Variants in NKAIN3 observed in about 807,000 individuals in gnomAD.
The protein encoded by NKAIN3 is sodium/potassium transporting ATPase interacting 3.
A neutral mutation model predicts 30.2 loss-of-function variants in NKAIN3; 25 were observed. The ratio of observed to expected loss-of-function variants is 0.83; its 90% CI spans 0.60 to 1.16. The LOEUF (loss-of-function observed/expected upper bound fraction) is 1.16, where lower values mean the gene tolerates loss of function less well. Ranked by LOEUF, NKAIN3 falls within the 50% of genes most tolerant of loss-of-function variation. The pLI is 0.00. For missense variants in NKAIN3, 225 were observed against 254.1 expected, an observed-to-expected ratio of 0.89 and a Z score of 0.78; for synonymous variants, 91 against 89.6, an observed-to-expected ratio of 1.02 and a Z score of -0.09.
intron 4 of NKAIN3, chr8:62,864,275 A>G (rs1820352821): frequency 8.7e-7 from 1 of 1,150,130 alleles, no homozygotes; most frequent in Non-Finnish European, 1.3e-6. Flanking sequence ...GCAAAGGACA[A>G]TGCTGAAGCT....
chr8:62,473,989 T>A (rs1279480281), intron 1 of NKAIN3: 5 of 152,196 alleles, frequency 3.3e-5, no homozygotes, highest in African/African-American at 1.2e-4. Context: ...CTGTTTTGTA[T>A]CGAGCAACCT....
intron 3 of NKAIN3, among the ~76,000 whole-genome samples, chr8:62,679,711 C>T (rs1342146923): frequency 6.6e-6 from 1 of 152,084 alleles, no homozygotes; most frequent in African/African-American, 2.4e-5. Context: ...CACTTTTAAA[C>T]AACCAGATCT....
intron 1 of NKAIN3, among the ~76,000 whole-genome samples, chr8:62,331,109 A>G (rs576835336): frequency 1.3e-5 from 2 of 148,352 alleles, no homozygotes; most frequent in African/African-American, 5.0e-5. Context: ...ATATATATGT[A>G]TATATGTATG....
chr8:62,386,519 A>T (rs1817429242), intron 1 of NKAIN3, among the ~76,000 whole-genome samples: 1 of 152,228 alleles, frequency 6.6e-6, no homozygotes, highest in South Asian at 2.1e-4. Context: ...ATTGCAAGTT[A>T]ATTATTTGAT....
At chr8:62,595,778 G>A (rs1346397709) in intron 3 of NKAIN3, among the ~76,000 whole-genome samples, 2 of 151,980 alleles carry the variant, frequency 1.3e-5, no homozygotes, top group African/African-American at 4.8e-5. Context: ...GGGTTGTGCA[G>A]TTGAGATTTC....
chr8:62,597,674 C>T (rs1476206321), intron 3 of NKAIN3, among the ~76,000 whole-genome samples: 2 of 151,886 alleles, frequency 1.3e-5, no homozygotes, highest in Admixed American at 6.6e-5. Flanking sequence ...TGATATAATA[C>T]ATTTCTATAA....
chr8:62,786,056 C>T (rs1817506859), intron 4 of NKAIN3, among the ~76,000 whole-genome samples: 1 of 151,826 alleles, frequency 6.6e-6, no homozygotes. Flanking sequence ...ACTTCCATAC[C>T]ACCACCACCA....
intron 4 of NKAIN3, among the ~76,000 whole-genome samples, chr8:62,787,858 C>G (rs1300124727): frequency 6.6e-6 from 1 of 151,982 alleles, no homozygotes; most frequent in South Asian, 2.1e-4. Context: ...AGGATGGGAA[C>G]TCATCATTTT....
At chr8:62,469,022 G>A (rs554649932) in intron 1 of NKAIN3, among the ~76,000 whole-genome samples, 12 of 152,208 alleles carry the variant, frequency 7.9e-5, no homozygotes, top group African/African-American at 2.4e-4. Flanking sequence ...TGAATGCCTA[G>A]GACTTCTCCA....
chr8:62,783,174 A>T (rs1259134244), intron 4 of NKAIN3, among the ~76,000 whole-genome samples: 1 of 152,116 alleles, frequency 6.6e-6, no homozygotes, highest in Non-Finnish European at 1.5e-5. Context: ...TCCCCCCAAA[A>T]TTCATACATT....
chr8:62,931,825 T>C (rs548717840), intron 5 of NKAIN3, among the ~76,000 whole-genome samples: 6 of 152,194 alleles, frequency 3.9e-5, no homozygotes, highest in Non-Finnish European at 8.8e-5. Context: ...TTTAAAACAT[T>C]TTAACATCTT....
Position 62,786,780 on chromosome 8 carries a change from A to G in NKAIN3, c.471+39651A>G, listed in dbSNP as rs148608262. On this transcript the variant is annotated intron_variant, in intron 4 of 6. Coordinates refer to ENST00000623646, the MANE Select transcript of NKAIN3 (RefSeq NM_001304533.3). Reference sequence around the variant, plus strand: ...AAAGGTCTGTAACATGCATGGTGTCAGTAAAGTAGGAAACCCTGATGATTT... The same window carrying G: ...AAAGGTCTGTAACATGCATGGTGTCGGTAAAGTAGGAAACCCTGATGATTT... Among the ~76,000 whole-genome samples, 4 of 152,332 alleles carry G rather than the reference A, an allele frequency of 2.6e-5. No individual in the cohort carries two copies. In the East Asian group the frequency reaches 7.7e-4, roughly 29 times the overall value.
intron 1 of NKAIN3, among the ~76,000 whole-genome samples, chr8:62,314,225 A>T (rs185923747): frequency 1.3e-5 from 2 of 152,280 alleles, no homozygotes; most frequent in Admixed American, 1.3e-4. Flanking sequence ...TAAATTGTTA[A>T]GTTGCTAGGC....
intron 1 of NKAIN3, among the ~76,000 whole-genome samples, chr8:62,451,576 T>G (rs1195832262): frequency 6.6e-6 from 1 of 152,186 alleles, no homozygotes; most frequent in Non-Finnish European, 1.5e-5. Flanking sequence ...GTAGCATCTA[T>G]GCTAAAAACT....
rs1824136440 is a variant in NKAIN3, at chr8:62,983,628, C to A, written c.*18221C>A. The A allele has an allele frequency of 6.6e-6, 1 of 152,202 alleles. No homozygotes were observed. The highest frequency in any genetic ancestry group is 1.5e-5 in the Non-Finnish European group (1 of 68,040). 9.4% of individuals were successfully genotyped at this position (152,202 alleles called of 1,614,324 possible). A position where few individuals can be genotyped will look rare whatever the true frequency, so the allele number is the denominator to read the frequency against. Reference sequence around the variant, plus strand: ...CCTCTGCAACCAACACCTGTTCGTGCTATGAGACTGAAGTCCTCCTAGACC... The same window carrying A: ...CCTCTGCAACCAACACCTGTTCGTGATATGAGACTGAAGTCCTCCTAGACC... On this transcript the variant is annotated 3_prime_UTR_variant, in exon 7 of 7. Transcript: ENST00000623646.
At chr8:62,595,382 C>CTTTTTTTTTTTTT (rs1181598520) in intron 3 of NKAIN3, among the ~76,000 whole-genome samples, 1 of 109,954 alleles carries the variant, frequency 9.1e-6, no homozygotes, top group African/African-American at 3.5e-5. Flanking sequence ...GGGCTATTTT[C>CTTTTTTTTTTTTT]TTTTTTTTTT....
At chr8:62,913,115 T>G (rs1586340217) in intron 4 of NKAIN3, among the ~76,000 whole-genome samples, 1 of 151,222 alleles carries the variant, frequency 6.6e-6, no homozygotes, top group East Asian at 2.0e-4. Context: ...CTGAAACACC[T>G]TCTGAAGGAA....
chr8:62,299,779 G>A (rs1005894852), intron 1 of NKAIN3, among the ~76,000 whole-genome samples: 2 of 152,032 alleles, frequency 1.3e-5, no homozygotes, highest in Non-Finnish European at 2.9e-5. Flanking sequence ...TTAGAAACAA[G>A]AGACAGTTTT....
chr8:62,812,116 T>C (rs1818505811), intron 4 of NKAIN3, among the ~76,000 whole-genome samples: 1 of 151,984 alleles, frequency 6.6e-6, no homozygotes, highest in African/African-American at 2.4e-5. Context: ...TTGAATTGCT[T>C]GTGCACCTTT....
Sources: allele counts gnomAD v4.1 joint callset (sites outside exome capture counted in the v4.1 genomes callset), GRCh38; gene constraint gnomAD v4.1.1; transcripts MANE v1.5; gene names NCBI Gene and HGNC (gene_info 2026-07-23, HGNC 2026-07-21).